Variants in TMPRSS3 observed in about 807,000 individuals in gnomAD.
TMPRSS3 encodes the protein transmembrane protease serine 3.
Under a neutral mutation model 59.6 loss-of-function variants are expected in TMPRSS3, and 55 were observed. The ratio of observed to expected loss-of-function variants is 0.92; its 90% confidence interval spans 0.74 to 1.16. The LOEUF (loss-of-function observed/expected upper bound fraction) is 1.16. Ranked by LOEUF, TMPRSS3 falls within the 50% of genes most tolerant of loss-of-function variation. The probability of loss-of-function intolerance (pLI) is 0.00; values close to 1 mark genes in which losing one functional copy is unlikely to be tolerated. For synonymous variants in TMPRSS3, 257 were observed against 237.7 expected (o/e 1.08, Z -0.75); for missense variants, 596 against 579.4 (o/e 1.03, Z -0.29).
rs141476064 is a variant in TMPRSS3 at position 42,385,465 on chromosome 21, G to A, written c.516C>T (p.Ile172=). 4.8e-5 allele frequency: 77 copies of A among 1,614,004 alleles called. No homozygotes were observed. In the African/African-American group the frequency reaches 7.3e-4, roughly 15 times the overall value. The change falls in exon 6 of 13, where the codon ATC becomes ATT. Residue 172 remains isoleucine (I), a synonymous_variant. Coordinates refer to ENST00000644384, the MANE Select transcript of TMPRSS3 (RefSeq NM_001256317.3). ...CCTTGTCATCTGGCAAGAGGTGATC[G>A]ATGGACACAAACTCCTCCCGGAACT... ...EGQFREEFVS[I]DHLLPDDKVT...
intron 8 of TMPRSS3, chr21:42,382,810 T>C (rs545632757): frequency 3.2e-6 from 2 of 620,136 alleles, no homozygotes; most frequent in African/African-American, 1.8e-5. Flanking sequence ...CTGCCCTTTC[T>C]CTAGGAGCTA....
rs225320 is a variant in TMPRSS3 at position 42,395,767 on chromosome 21, G to A, written c.-52+175C>T. ...AATCTTCAAATCGATTGCTTTAGAG[G>A]GACTCCCTCTCACCATTTAGAAGTT... On this transcript the variant is annotated intron_variant, in intron 1 of 12. Coordinates refer to ENST00000644384, the MANE Select transcript of TMPRSS3 (RefSeq NM_001256317.3). The A allele has an allele frequency of 0.35, 135,786 of 391,560 alleles. 25,776 individuals carry two copies. The highest frequency in any genetic ancestry group is 0.58 in the African/African-American group (27,828 of 47,820). The allele number at this position is 391,560 out of a possible 1,614,324, so 24.3% of individuals were successfully genotyped here. A position where few individuals can be genotyped will look rare whatever the true frequency, so the allele number is the denominator to read the frequency against.
intron 9 of TMPRSS3, 141 bp from the exon 10 acceptor site, chr21:42,380,353 T>C (rs1383965909): frequency 4.1e-6 from 3 of 736,988 alleles, no homozygotes; most frequent in Non-Finnish European, 4.8e-6. Flanking sequence ...TTGAAAACGA[T>C]CAGCTCACAG....
chr21:42,381,130 C>T (rs1424540056), intron 9 of TMPRSS3, among the ~76,000 whole-genome samples: 1 of 152,202 alleles, frequency 6.6e-6, no homozygotes, highest in Non-Finnish European at 1.5e-5. Flanking sequence ...ATTTATTATG[C>T]TTTCCCTGCT....
intron 1 of TMPRSS3, 85 bp from the exon 2 acceptor site, chr21:42,395,553 G>T: frequency 2.7e-6 from 2 of 753,876 alleles, no homozygotes; most frequent in African/African-American, 1.8e-5. Context: ...GTAAATCTTT[G>T]AAATTCGACA....
At chr21:42,384,073 C>T in intron 6 of TMPRSS3, 60 bp from the exon 7 acceptor site, 1 of 1,529,058 alleles carries the variant, frequency 6.5e-7, no homozygotes. Context: ...AAGGAACACT[C>T]TTAAAAACTC....
chr21:42,378,707 C>CT (rs959853173), intron 10 of TMPRSS3, among the ~76,000 whole-genome samples: 20 of 151,590 alleles, frequency 1.3e-4, no homozygotes, highest in Middle Eastern at 3.4e-3. Flanking sequence ...TAAATCTCCA[C>CT]TTTTTTTTTG....
chr21:42,391,788 G>T (rs1410257121), intron 2 of TMPRSS3, among the ~76,000 whole-genome samples: 6 of 152,324 alleles, frequency 3.9e-5, no homozygotes. Flanking sequence ...CCATGAAACT[G>T]TGGCAGGCTA....
At chr21:42,394,630 C>A (rs1240056393) in intron 2 of TMPRSS3, among the ~76,000 whole-genome samples, 1 of 152,144 alleles carries the variant, frequency 6.6e-6, no homozygotes, top group African/African-American at 2.4e-5. Context: ...TAAAAGAAAT[C>A]ATTAGGGTGA....
chr21:42,389,829 G>A (rs1455725697), intron 3 of TMPRSS3, 98 bp downstream of exon 3: 1 of 928,376 alleles, frequency 1.1e-6, no homozygotes, highest in Admixed American at 1.8e-5. Flanking sequence ...AATTAAGGCT[G>A]GGCAGCAGCA....
In TMPRSS3 at chr21:42,388,572, C is replaced by T. The variant is rs776712887; in HGVS notation, c.323-46G>A. ...AAGGCTTATTAGTGGCCAGTGGAACCCTGAGACCATAGGCAGGGGTTTCTC... is the reference window on the plus strand; with the variant it reads ...AAGGCTTATTAGTGGCCAGTGGAACTCTGAGACCATAGGCAGGGGTTTCTC... On this transcript the variant is annotated intron_variant, in intron 4 of 12. Coordinates refer to ENST00000644384, the MANE Select transcript of TMPRSS3 (RefSeq NM_001256317.3). This position sits in a 1 kb window ranked among gnomAD's most constrained non-coding sequence, Gnocchi z 5.1. 2 of 1,613,786 alleles carry T rather than the reference C, an allele frequency of 1.2e-6. No homozygotes were observed.
intron 12 of TMPRSS3, among the ~76,000 whole-genome samples, chr21:42,373,326 G>T (rs1177078213): frequency 1.1e-4 from 16 of 152,242 alleles, no homozygotes; most frequent in Admixed American, 1.0e-3. Context: ...ACTTGGGAAA[G>T]GGCGTGTCTG....
At chr21:42,389,241 C>G in intron 3 of TMPRSS3, 196 bp from the exon 4 acceptor site, 2 of 1,096,260 alleles carry the variant, frequency 1.8e-6, no homozygotes, top group Non-Finnish European at 2.6e-6. Flanking sequence ...TGCTGTGCCC[C>G]ACTTTATCTC....
At position 42,388,239 on chromosome 21, in the gene TMPRSS3, T is replaced by C. The variant is rs752659517; in HGVS notation, c.446+164A>G. Reference sequence around the variant, plus strand: ...CTTAGCCTGTCTGGCCTTGGTTTGCTTGCCTGTGAAGTGAGGATGATATCG... The same window carrying C: ...CTTAGCCTGTCTGGCCTTGGTTTGCCTGCCTGTGAAGTGAGGATGATATCG... On this transcript the variant is annotated intron_variant, in intron 5 of 12. Transcript: ENST00000644384. The surrounding 1 kb of genome is among the most constrained non-coding windows in gnomAD (Gnocchi z 5.1). 6.6e-6 allele frequency among the ~76,000 whole-genome samples: 1 copy of C among 152,248 alleles called. No individual in the cohort carries two copies. The highest frequency in any genetic ancestry group is 2.4e-5 in the African/African-American group (1 of 41,462).
At chr21:42,385,653 C>G (rs2052623473) in intron 5 of TMPRSS3, 119 bp from the exon 6 acceptor site, 1 of 1,309,264 alleles carries the variant, frequency 7.6e-7, no homozygotes, top group African/African-American at 1.5e-5. Context: ...TTTGTCCCCC[C>G]AAACCCATCA....
chr21:42,380,075 T>C (rs1464398947), intron 10 of TMPRSS3, 42 bp downstream of exon 10: 1 of 1,546,708 alleles, frequency 6.5e-7, no homozygotes, highest in East Asian at 2.2e-5. Context: ...CCCTCTGGGT[T>C]CTGAGCCCCT....
chr21:42,373,819 GGCCCC>G (rs1381658391), intron 12 of TMPRSS3, among the ~76,000 whole-genome samples: 1 of 152,148 alleles, frequency 6.6e-6, no homozygotes, highest in Non-Finnish European at 1.5e-5. Flanking sequence ...GGGCTGAGGT[GGCCCC>G]GTCATGGAAC....
rs776618952 is a variant in TMPRSS3 at position 42,383,107 on chromosome 21, G to A, written c.708C>T (p.Phe236=). 9.9e-6 allele frequency: 16 copies of A among 1,614,078 alleles called. No homozygotes were observed. Among genetic ancestry groups the A allele is most frequent in the African/African-American group, 1.3e-5 (1 of 74,946 alleles). Residue 236 remains phenylalanine, a synonymous_variant, in exon 8 of 13, where the codon TTC becomes TTT. Transcript: ENST00000644384. ...SQWPWQASLQ[F]QGYHLCGGSV... is the part of the protein sequence containing the mutation. ...AGCCCCCGCACAGGTGGTAGCCCTG[G>A]AACTGAAGGCTGGCCTGCCAGGGCC...
intron 10 of TMPRSS3, 81 bp downstream of exon 10, chr21:42,380,036 A>T (rs962079195): frequency 8.4e-6 from 10 of 1,195,924 alleles, no homozygotes; most frequent in Non-Finnish European, 1.2e-5. Context: ...GAACATCACA[A>T]TGGGACATTG....
Sources: gnomAD v4.1 joint callset for allele counts (sites outside exome capture counted in the v4.1 genomes callset) on GRCh38, gnomAD v4.1.1 for gene constraint, Gnocchi (gnomAD v3.1) non-coding constraint, MANE v1.5 for transcripts, NCBI Gene and HGNC (gene_info 2026-07-23, HGNC 2026-07-21) for gene names.